FAT1: variants seen among roughly 807,000 people sequenced by gnomAD.
FAT1 encodes the protein FAT atypical cadherin 1.
FAT1 carries 171 observed loss-of-function variants against 329.8 expected under a neutral mutation model. That is an observed-to-expected ratio of 0.52 (90% CI 0.46 to 0.59). The LOEUF (loss-of-function observed/expected upper bound fraction) is 0.59. Ranked by LOEUF, FAT1 falls within the 20% of genes least tolerant of loss-of-function variation. The probability of loss-of-function intolerance (pLI) is 0.00; values close to 1 mark genes in which losing one functional copy is unlikely to be tolerated. For synonymous variants in FAT1, 2,233 were observed against 2,228.6 expected, an observed-to-expected ratio of 1.00 and a Z score of -0.06; for missense variants, 5,672 against 5,774.4, an observed-to-expected ratio of 0.98 and a Z score of 0.57.
intron 17 of FAT1, among the ~76,000 whole-genome samples, chr4:186,605,571 AG>A (rs1243842819): frequency 6.2e-5 from 2 of 32,486 alleles, no homozygotes; most frequent in Non-Finnish European, 1.1e-4. Flanking sequence ...AGGTGGAGGG[AG>A]GGGGGAGGAA....
In FAT1 at chr4:186,588,266, GAGAC is replaced by G. The variant is rs989942355; in HGVS notation, c.*322_*325del. The stretch of plus-strand genomic sequence containing the variant: ...CTGTACATAAAATTTACAAAAAAAA[GAGAC>G]AGGAAAATTAAAATAATCAAATCTA... On this transcript the variant is annotated 3_prime_UTR_variant, in exon 27 of 27. Transcript: ENST00000441802. The G allele has an allele frequency of 1.4e-4, 38 of 277,484 alleles. No individual in the cohort carries two copies. The highest frequency in any genetic ancestry group is 1.2e-3 in the East Asian group (22 of 18,228). 17.2% of individuals were successfully genotyped at this position (277,484 alleles called of 1,614,324 possible).
At chr4:186,642,644 C>A (rs1741157004) in intron 3 of FAT1, among the ~76,000 whole-genome samples, 1 of 151,930 alleles carries the variant, frequency 6.6e-6, no homozygotes, top group South Asian at 2.1e-4. Flanking sequence ...CTAGGTGCTG[C>A]AATGGGTGGC....
chr4:186,603,718 T>C lies in FAT1; in HGVS notation c.10808A>G (p.Lys3603Arg). 6.2e-7 allele frequency: 1 copy of C among 1,614,028 alleles called. No homozygotes were observed. Among genetic ancestry groups the C allele is most frequent in the Non-Finnish European group, 8.5e-7 (1 of 1,179,890 alleles). Residue 3603 changes from lysine to arginine, a missense_variant, in exon 19 of 27, where the codon AAA becomes AGA. Physicochemically the swap from Lys to Arg is conservative, Grantham distance 26. This residue lies in a region of FAT1 where 1,706 missense variants were observed against 1,859.1 expected (regional missense o/e 0.92). Coordinates refer to ENST00000441802, the MANE Select transcript of FAT1 (RefSeq NM_005245.4). Reference sequence around the variant, plus strand: ...AAGGTATTGCCCTATGTCTAGCTTTTTGTGTGCTATCAGCTTGCCCCCTGT... The same window carrying C: ...AAGGTATTGCCCTATGTCTAGCTTTCTGTGTGCTATCAGCTTGCCCCCTGT... ...SSTGGKLIAH[K>R]KLDIGQYLLN...
At chr4:186,713,476 AC>A (rs1247923435) in intron 1 of FAT1, among the ~76,000 whole-genome samples, 1 of 152,106 alleles carries the variant, frequency 6.6e-6, no homozygotes, top group African/African-American at 2.4e-5. Context: ...TGACCACGTG[AC>A]TGAGGTAGTA....
upstream of FAT1, chr4:186,726,607 G>C (rs1248243055): frequency 6.6e-6 from 1 of 152,288 alleles, no homozygotes; most frequent in Non-Finnish European, 1.5e-5. Context: ...GCCGGAACGA[G>C]GGCCCGGGAG....
intron 3 of FAT1, among the ~76,000 whole-genome samples, chr4:186,656,569 G>A (rs6845339): frequency 0.34 from 51,487 of 151,978 alleles, 9,089 homozygotes; most frequent in Middle Eastern, 0.42. Flanking sequence ...ACAAACACAC[G>A]TCACAAACAC....
chr4:186,628,324 C>A lies in FAT1; in HGVS notation c.4640G>T (p.Arg1547Met), dbSNP rs930373521. 6.2e-7 allele frequency: 1 copy of A among 1,613,420 alleles called. No individual in the cohort carries two copies. Among genetic ancestry groups the A allele is most frequent in the Non-Finnish European group, 8.5e-7 (1 of 1,179,626 alleles). Residue 1547 changes from arginine to methionine, a missense_variant, in exon 9 of 27, where the codon AGG becomes ATG. By Grantham distance (91) the Arg-to-Met change is moderately conservative. Transcript: ENST00000441802. The stretch of plus-strand genomic sequence containing the variant: ...CGTGTCGCTGACATTGACCACAATC[C>A]TTGCAAAGTTGCGTTTTACAGGCAC... The part of the protein sequence containing the change: ...QDVPVKRNFA[R>M]IVVNVSDTND...
At chr4:186,610,643 T>TA (rs1739378445) in intron 14 of FAT1, among the ~76,000 whole-genome samples, 3 of 94,800 alleles carry the variant, frequency 3.2e-5, no homozygotes, top group African/African-American at 1.0e-4. Context: ...ATAATTTATA[T>TA]AATTTATATA....
In FAT1 at chr4:186,669,320, G is replaced by A. The variant is rs563519639; in HGVS notation, c.3266-5707C>T. ...ACAGGGAAACTCTGTCGCCACTCCCGTCAGGAGGTTGCCGTGCACACGCAG... is the reference window on the plus strand; with the variant it reads ...ACAGGGAAACTCTGTCGCCACTCCCATCAGGAGGTTGCCGTGCACACGCAG... On this transcript the variant is annotated intron_variant, in intron 2 of 26. Transcript: ENST00000441802. 6.6e-5 allele frequency among the ~76,000 whole-genome samples: 10 copies of A among 152,346 alleles called. No homozygotes were observed. The South Asian group carries it at 2.1e-3, about 32-fold the overall frequency.
At chr4:186,649,290 A>T (rs1382868596) in intron 3 of FAT1, among the ~76,000 whole-genome samples, 1 of 152,222 alleles carries the variant, frequency 6.6e-6, no homozygotes, top group Non-Finnish European at 1.5e-5. Context: ...ACATTAAAAA[A>T]ATTAAGAGGA....
At chr4:186,691,856 C>T (rs73015638) in intron 2 of FAT1, among the ~76,000 whole-genome samples, 12,992 of 152,044 alleles carry the variant, frequency 0.085, 1,315 homozygotes, top group African/African-American at 0.24. Context: ...ACGATTCGTT[C>T]TGACATTTAA....
intron 2 of FAT1, among the ~76,000 whole-genome samples, chr4:186,686,358 T>TA (rs944683213): frequency 6.6e-5 from 10 of 152,194 alleles, no homozygotes; most frequent in African/African-American, 2.4e-4. Flanking sequence ...ATACCAGAAT[T>TA]ATGTAAGTAT....
intron 2 of FAT1, among the ~76,000 whole-genome samples, chr4:186,666,476 A>C (rs1026606759): frequency 6.6e-6 from 1 of 152,322 alleles, no homozygotes; most frequent in South Asian, 2.1e-4. Flanking sequence ...TTACACATTA[A>C]CAAAATGTAC....
chr4:186,658,027 A>G (rs887341384), intron 3 of FAT1, among the ~76,000 whole-genome samples: 12 of 152,336 alleles, frequency 7.9e-5, no homozygotes, highest in Non-Finnish European at 1.6e-4. Flanking sequence ...CAAGGCTCCA[A>G]TCTGAGTTCT....
chr4:186,628,703 C>T lies in FAT1; in HGVS notation c.4384G>A (p.Glu1462Lys), dbSNP rs2126545190. 1 of 1,613,912 alleles carries T rather than the reference C, an allele frequency of 6.2e-7. No individual in the cohort carries two copies. The highest frequency in any genetic ancestry group is 8.5e-7 in the Non-Finnish European group (1 of 1,179,870). ...GCTGTATCTTCAGGAATAACAACTT[C>T]ATACTTTGATGTAGAAAACTGAGGA... ...HRPQFSTSKY[E>K]VVIPEDTAPE... is the part of the protein sequence containing the mutation. The change falls in exon 8 of 27, where the codon GAA (glutamate) becomes AAA (lysine). Residue 1462 changes from glutamate (E) to lysine (K), a missense_variant. By Grantham distance (56) the Glu-to-Lys change is moderately conservative. Coordinates refer to ENST00000441802, the MANE Select transcript of FAT1 (RefSeq NM_005245.4).
rs929179681 is a variant in FAT1 at position 186,613,133 on chromosome 4, C to T, written c.9439G>A (p.Val3147Met). The T allele has an allele frequency of 1.2e-6, 2 of 1,612,278 alleles. No homozygotes were observed. Among genetic ancestry groups the T allele is most frequent in the African/African-American group, 2.7e-5 (2 of 74,896 alleles). Residue 3147 changes from valine (V) to methionine (M), a missense_variant, in exon 13 of 27, where the codon GTG becomes ATG. This residue lies in a region of FAT1 where 3,966 missense variants were observed against 3,915.2 expected (regional missense o/e 1.01). Transcript: ENST00000441802. ...NTEPGTLLTR[V>M]QATDADAGLN... Reference sequence around the variant, plus strand: ...CCTGCGTCGGCATCTGTGGCCTGCACTCTTGTCAGCAGCGTTCCCGGCTCT... The same window carrying T: ...CCTGCGTCGGCATCTGTGGCCTGCATTCTTGTCAGCAGCGTTCCCGGCTCT...
intron 1 of FAT1, among the ~76,000 whole-genome samples, chr4:186,715,195 A>C (rs1350639067): frequency 1.3e-5 from 2 of 150,730 alleles, no homozygotes. Context: ...CCAACACGTC[A>C]GACTGCTTTG....
At chr4:186,673,064 G>A (rs1742805200) in intron 2 of FAT1, among the ~76,000 whole-genome samples, 1 of 152,146 alleles carries the variant, frequency 6.6e-6, no homozygotes, top group African/African-American at 2.4e-5. Flanking sequence ...CAGAAATTGA[G>A]AGAAAAATAT....
chr4:186,617,588 G>T, intron 10 of FAT1, 120 bp downstream of exon 10: 1 of 805,578 alleles, frequency 1.2e-6, no homozygotes, highest in Non-Finnish European at 1.9e-6. Flanking sequence ...TATTATTTTA[G>T]ATATTTTTAA....
Sources: allele counts gnomAD v4.1 joint callset (sites outside exome capture counted in the v4.1 genomes callset), GRCh38; gene constraint gnomAD v4.1.1; regional missense constraint gnomAD v4.1.1; transcripts MANE v1.5; gene names NCBI Gene and HGNC (gene_info 2026-07-23, HGNC 2026-07-21).